The following LGSN variants were observed in gnomAD, a reference collection of about 807,000 sequenced individuals.
The protein encoded by LGSN is lengsin.
In LGSN, 21 loss-of-function variants were observed where a neutral mutation model predicts 19.5. The observed-to-expected ratio is 1.07, with a 90% CI of 0.76 to 1.55. LGSN has a LOEUF of 1.55. LGSN is among the 40% of genes most tolerant of loss of function. The pLI is 0.00. For missense variants in LGSN, 673 were observed against 608.5 expected, an observed-to-expected ratio of 1.11 and a Z score of -1.12; for synonymous variants, 257 against 215.6, an observed-to-expected ratio of 1.19 and a Z score of -1.68.
At chr6:63,370,010 AAGAAGAAGAAGAAGGAGAAGG>A in the LGSN span, among the ~76,000 whole-genome samples, 1 of 117,902 alleles carries the variant, frequency 8.5e-6, no homozygotes, top group Admixed American at 7.6e-5. Context: ...TCCAAAAAAG[AAGAAGAAGAAGAAGGAGAAGG>A]AGAAGAAGAA....
At chr6:63,374,765 A>C in the LGSN span, among the ~76,000 whole-genome samples, 83 of 152,334 alleles carry the variant, frequency 5.4e-4, no homozygotes, top group Non-Finnish European at 1.1e-3. Context: ...GGCTGCTTGC[A>C]TCCTTGGCAT....
chr6:63,456,391 A>ATATATATATT, the LGSN span, among the ~76,000 whole-genome samples: 1 of 110,446 alleles, frequency 9.1e-6, no homozygotes, highest in Non-Finnish European at 1.7e-5. Flanking sequence ...ATATATATAT[A>ATATATATATT]TACTTTTTTT....
the LGSN span, among the ~76,000 whole-genome samples, chr6:63,566,040 TA>T: frequency 6.6e-6 from 1 of 152,236 alleles, no homozygotes; most frequent in Non-Finnish European, 1.5e-5. Context: ...GTTTCCCATT[TA>T]CACTACATTG....
chr6:63,432,323 G>T, the LGSN span, among the ~76,000 whole-genome samples: 4 of 152,204 alleles, frequency 2.6e-5, no homozygotes, highest in South Asian at 2.1e-4. Context: ...CAATTTCCAT[G>T]CCTTCTGTTC....
chr6:63,433,962 A>G, the LGSN span, among the ~76,000 whole-genome samples: 1 of 152,234 alleles, frequency 6.6e-6, no homozygotes, highest in African/African-American at 2.4e-5. Flanking sequence ...ACAACTGAGC[A>G]GAGTTCAATA....
the LGSN span, among the ~76,000 whole-genome samples, chr6:63,408,846 C>A: frequency 5.9e-5 from 9 of 152,114 alleles, no homozygotes; most frequent in Non-Finnish European, 1.2e-4. Context: ...AAAAAACAAA[C>A]AACCCCATCA....
chr6:63,414,481 A>G, the LGSN span, among the ~76,000 whole-genome samples: 1 of 152,226 alleles, frequency 6.6e-6, no homozygotes, highest in Admixed American at 6.5e-5. Flanking sequence ...AAGGGACACA[A>G]TGAAACTTTA....
At chr6:63,516,063 C>G in the LGSN span, among the ~76,000 whole-genome samples, 1,770 of 152,204 alleles carry the variant, frequency 0.012, 18 homozygotes, top group Non-Finnish European at 0.017. Context: ...CTTATTGGCT[C>G]TATTGAAAAC....
At chr6:63,292,835 G>A (rs1047486577) in intron 2 of LGSN, among the ~76,000 whole-genome samples, 1 of 152,144 alleles carries the variant, frequency 6.6e-6, no homozygotes, top group African/African-American at 2.4e-5. Flanking sequence ...AGTTCAGTAA[G>A]TCTTTCCAGC....
At chr6:63,282,542 C>T (rs1434243581) in intron 3 of LGSN, among the ~76,000 whole-genome samples, 1 of 152,138 alleles carries the variant, frequency 6.6e-6, no homozygotes, top group Non-Finnish European at 1.5e-5. Flanking sequence ...CTTATGCTAC[C>T]TCCAGACCCC....
intron 1 of LGSN, among the ~76,000 whole-genome samples, chr6:63,298,803 A>G (rs960936482): frequency 6.6e-6 from 1 of 152,250 alleles, no homozygotes; most frequent in Non-Finnish European, 1.5e-5. Flanking sequence ...GAAGGCTCCC[A>G]AATTAGGCAT....
the LGSN span, among the ~76,000 whole-genome samples, chr6:63,559,310 TG>T: frequency 6.6e-6 from 1 of 152,320 alleles, no homozygotes; most frequent in East Asian, 1.9e-4. Flanking sequence ...TGGAGTTATT[TG>T]GGGGAAGTGA....
intron 1 of LGSN, among the ~76,000 whole-genome samples, chr6:63,318,162 T>C (rs182085594): frequency 9.2e-5 from 14 of 152,308 alleles, no homozygotes; most frequent in Non-Finnish European, 2.1e-4. Context: ...GTACCAAACC[T>C]AAGATTAATA....
chr6:63,493,117 A>G, the LGSN span, among the ~76,000 whole-genome samples: 3 of 152,122 alleles, frequency 2.0e-5, no homozygotes, highest in African/African-American at 7.2e-5. Flanking sequence ...AAGACAAAAT[A>G]TATTTTGTCA....
chr6:63,447,727 A>T, the LGSN span, among the ~76,000 whole-genome samples: 1 of 152,202 alleles, frequency 6.6e-6, no homozygotes, highest in South Asian at 2.1e-4. Flanking sequence ...TATAAATATA[A>T]TAAATATTAC....
the LGSN span, among the ~76,000 whole-genome samples, chr6:63,474,104 AT>A: frequency 6.6e-6 from 1 of 152,182 alleles, no homozygotes; most frequent in East Asian, 1.9e-4. Flanking sequence ...CTTGGCCCAT[AT>A]TATGACATTC....
chr6:63,361,784 G>T, the LGSN span, among the ~76,000 whole-genome samples: 1 of 152,094 alleles, frequency 6.6e-6, no homozygotes, highest in Admixed American at 6.5e-5. Flanking sequence ...GTTCCTATTC[G>T]ACCATCTTGG....
the LGSN span, among the ~76,000 whole-genome samples, chr6:63,352,996 T>A: frequency 6.6e-6 from 1 of 152,068 alleles, no homozygotes; most frequent in South Asian, 2.1e-4. Context: ...CATCTGTCTT[T>A]CTCTGTAACG....
chr6:63,500,108 C>T, the LGSN span, among the ~76,000 whole-genome samples: 1 of 152,152 alleles, frequency 6.6e-6, no homozygotes, highest in African/African-American at 2.4e-5. Context: ...CCTCAGCTCA[C>T]TTTAATAAGC....
Sources: gnomAD v4.1 joint callset for allele counts (sites outside exome capture counted in the v4.1 genomes callset) on GRCh38, gnomAD v4.1.1 for gene constraint, MANE v1.5 for transcripts, NCBI Gene and HGNC (gene_info 2026-07-23, HGNC 2026-07-21) for gene names.